C12orf42: variants seen among roughly 807,000 people sequenced by gnomAD.
C12orf42 encodes the protein chromosome 12 open reading frame 42.
A neutral mutation model predicts 21.6 loss-of-function variants in C12orf42; 25 were observed. The observed-to-expected ratio is 1.16, with a 90% CI of 0.84 to 1.62. The LOEUF is 1.62. Ranked by LOEUF, C12orf42 falls within the 40% of genes most tolerant of loss-of-function variation. The pLI is 0.00. For synonymous variants in C12orf42, 174 were observed against 175.0 expected (o/e 0.99, Z 0.05); for missense variants, 483 against 459.3 (o/e 1.05, Z -0.47).
At chr12:103,164,263 C>A in the C12orf42 span, 1 of 378,434 alleles carries the variant, frequency 2.6e-6, no homozygotes, top group South Asian at 2.0e-5. Flanking sequence ...CCTATGCTAC[C>A]AGGCTTGAAT....
At chr12:103,321,929 T>C (rs952543469) in intron 4 of C12orf42, among the ~76,000 whole-genome samples, 5 of 152,012 alleles carry the variant, frequency 3.3e-5, no homozygotes, top group African/African-American at 1.2e-4. Context: ...GAGGAGTTAG[T>C]GGGTGCAGCA....
the C12orf42 span, among the ~76,000 whole-genome samples, chr12:103,106,291 T>C: frequency 2.0e-4 from 30 of 151,844 alleles, no homozygotes; most frequent in African/African-American, 6.5e-4. Context: ...CAGACCCTCA[T>C]TGAAAAAAAT....
At chr12:103,113,012 G>A in the C12orf42 span, among the ~76,000 whole-genome samples, 1 of 152,130 alleles carries the variant, frequency 6.6e-6, no homozygotes, top group Non-Finnish European at 1.5e-5. Flanking sequence ...TGAACTTGTA[G>A]AGTCCCAAGG....
chr12:103,088,547 C>T, the C12orf42 span, among the ~76,000 whole-genome samples: 2 of 152,200 alleles, frequency 1.3e-5, no homozygotes, highest in South Asian at 2.1e-4. Context: ...GAGAAAAGTG[C>T]TCTGCCATGG....
chr12:103,267,774 A>G (rs1178994721), downstream of C12orf42: 1 of 152,144 alleles, frequency 6.6e-6, no homozygotes, highest in Non-Finnish European at 1.5e-5. Flanking sequence ...TTAAAAATCC[A>G]AGAAAGGAGT....
the C12orf42 span, among the ~76,000 whole-genome samples, chr12:103,557,226 T>A: frequency 1.3e-5 from 2 of 152,126 alleles, no homozygotes; most frequent in African/African-American, 4.8e-5. Context: ...TTTGAGCTCA[T>A]TAGAGGACAC....
chr12:103,223,720 G>A, the C12orf42 span, among the ~76,000 whole-genome samples: 5 of 152,272 alleles, frequency 3.3e-5, no homozygotes, highest in East Asian at 3.9e-4. Context: ...GTCTAAGTTG[G>A]TCTGGTGTCT....
intron 2 of C12orf42, among the ~76,000 whole-genome samples, chr12:103,410,117 T>C (rs912657151): frequency 6.6e-6 from 1 of 152,214 alleles, no homozygotes; most frequent in Non-Finnish European, 1.5e-5. Context: ...GATGTTTGAA[T>C]TCTCCCGTAA....
chr12:103,137,593 T>A, the C12orf42 span, among the ~76,000 whole-genome samples: 2 of 152,168 alleles, frequency 1.3e-5, no homozygotes, highest in African/African-American at 2.4e-5. Flanking sequence ...ACAGCACTAT[T>A]CACAATAGCA....
the C12orf42 span, among the ~76,000 whole-genome samples, chr12:103,084,142 G>A: frequency 1.3e-5 from 2 of 152,140 alleles, no homozygotes; most frequent in Non-Finnish European, 2.9e-5. Flanking sequence ...AAAGGGACAT[G>A]GCCTTGTTGA....
rs542916133 is a variant in C12orf42, at chr12:103,302,029, T to A, written c.*79A>T. ...CAATGGTTCTGTGGAAACCAGTACA[T>A]CTGAGGCCCTTTCTGTTGTTCTGAG... On this transcript the variant is annotated 3_prime_UTR_variant, in exon 6 of 6. Coordinates refer to ENST00000548883, the MANE Select transcript of C12orf42 (RefSeq NM_198521.5). 299 of 1,430,416 alleles carry A rather than the reference T, an allele frequency of 2.1e-4. 7 individuals are homozygous for A. The South Asian group carries it at 3.8e-3, about 18-fold the overall frequency. The allele number at this position is 1,430,416 out of a possible 1,614,324, so 88.6% of individuals were successfully genotyped here.
At chr12:103,106,999 A>G in the C12orf42 span, among the ~76,000 whole-genome samples, 2 of 151,968 alleles carry the variant, frequency 1.3e-5, no homozygotes, top group Non-Finnish European at 2.9e-5. Context: ...TATTGATGTT[A>G]GGCAAATAAG....
the C12orf42 span, among the ~76,000 whole-genome samples, chr12:103,088,107 C>T: frequency 2.6e-5 from 4 of 152,152 alleles, no homozygotes; most frequent in Non-Finnish European, 4.4e-5. Flanking sequence ...ATAGAACTTA[C>T]AAACAGATCA....
chr12:103,144,802 G>A, the C12orf42 span, among the ~76,000 whole-genome samples: 28 of 152,302 alleles, frequency 1.8e-4, no homozygotes, highest in African/African-American at 6.3e-4. Context: ...TAAGCAGAAA[G>A]GGATTTTGGG....
At chr12:103,550,232 A>C in the C12orf42 span, among the ~76,000 whole-genome samples, 4 of 152,120 alleles carry the variant, frequency 2.6e-5, no homozygotes, top group African/African-American at 9.7e-5. Flanking sequence ...CTACTTTTGT[A>C]TAAACATATA....
chr12:103,206,730 A>AT, the C12orf42 span, among the ~76,000 whole-genome samples: 44 of 152,070 alleles, frequency 2.9e-4, no homozygotes, highest in African/African-American at 1.0e-3. Flanking sequence ...AGGTTCACTG[A>AT]TTTTTTCCTT....
chr12:103,561,157 G>A, the C12orf42 span, among the ~76,000 whole-genome samples: 1 of 152,238 alleles, frequency 6.6e-6, no homozygotes, highest in East Asian at 1.9e-4. Context: ...CCCAAGGCAG[G>A]GGTCTTCACA....
upstream of C12orf42, among the ~76,000 whole-genome samples, chr12:103,500,141 C>T (rs1219356356): frequency 6.6e-6 from 1 of 152,154 alleles, no homozygotes; most frequent in Non-Finnish European, 1.5e-5. Flanking sequence ...TATGAAAAAA[C>T]ACAAATTCCT....
At chr12:103,096,199 T>C in the C12orf42 span, among the ~76,000 whole-genome samples, 4 of 152,326 alleles carry the variant, frequency 2.6e-5, no homozygotes, top group South Asian at 2.1e-4. Flanking sequence ...TGAAAGTGAA[T>C]GTAGAACAGG....
Sources: allele counts gnomAD v4.1 joint callset (sites outside exome capture counted in the v4.1 genomes callset), GRCh38; gene constraint gnomAD v4.1.1; transcripts MANE v1.5; gene names NCBI Gene and HGNC (gene_info 2026-07-23, HGNC 2026-07-21).